Variants in NFU1 observed in about 807,000 individuals in gnomAD.
The protein encoded by NFU1 is NFU1 iron-sulfur cluster scaffold homolog, mitochondrial.
NFU1 carries 30 observed loss-of-function variants against 32.2 expected under a neutral mutation model. The observed-to-expected ratio is 0.93, with a 90% confidence interval of 0.70 to 1.26. The LOEUF is 1.26. Among genes scored for constraint, NFU1 ranks in the 50% most tolerant of loss-of-function variants. The pLI, the probability that NFU1 is intolerant of heterozygous loss-of-function variation, is 0.00. For missense variants in NFU1, 306 were observed against 306.6 expected (o/e 1.00, Z 0.02); for synonymous variants, 112 against 104.6 (o/e 1.07, Z -0.43).
chr2:69,437,428 T>G lies in NFU1; in HGVS notation c.-6A>C. 6.2e-7 allele frequency: 1 copy of G among 1,610,542 alleles called. No homozygotes were observed. The highest frequency in any genetic ancestry group is 8.5e-7 in the Non-Finnish European group (1 of 1,179,524). ...CGCCTGGCCGTCGCCGCCATCTTAG[T>G]CCGGAGTGCCTAAGGGTCTCCCTGA... On this transcript the variant is annotated 5_prime_UTR_variant, in exon 1 of 8. Transcript: ENST00000410022.
intron 6 of NFU1, among the ~76,000 whole-genome samples, chr2:69,401,898 CTT>C (rs10707742): frequency 2.5e-4 from 36 of 145,002 alleles, no homozygotes; most frequent in South Asian, 2.2e-4. Flanking sequence ...ATCTTTTTTC[CTT>C]TTTTTTTTTT....
chr2:69,426,807 G>A (rs965464633), intron 2 of NFU1, among the ~76,000 whole-genome samples: 9 of 151,796 alleles, frequency 5.9e-5, no homozygotes, highest in Non-Finnish European at 8.8e-5. Flanking sequence ...AGTGGCTCAC[G>A]CCTGGAATCC....
At chr2:69,438,653 A>G (rs573994522), upstream of NFU1, among the ~76,000 whole-genome samples, 16 of 152,262 alleles carry the variant, frequency 1.1e-4, no homozygotes, top group East Asian at 1.5e-3. Context: ...TCCAGAATGG[A>G]AACAGCACAC....
chr2:69,424,198 A>AAAAAAAAAAT (rs1558840147), intron 2 of NFU1, among the ~76,000 whole-genome samples: 1 of 74,544 alleles, frequency 1.3e-5, no homozygotes, highest in African/African-American at 5.3e-5. Context: ...AAAAAAAAAA[A>AAAAAAAAAAT]ATATATATAT....
At chr2:69,414,618 TAAAAAA>T (rs57180785) in intron 5 of NFU1, among the ~76,000 whole-genome samples, 4 of 81,216 alleles carry the variant, frequency 4.9e-5, no homozygotes, top group African/African-American at 1.0e-4. Flanking sequence ...AGTCTGTCTC[TAAAAAA>T]AAAAAAAAAA....
chr2:69,436,750 A>G (rs2104826175), intron 1 of NFU1, among the ~76,000 whole-genome samples: 1 of 152,306 alleles, frequency 6.6e-6, no homozygotes, highest in South Asian at 2.1e-4. Flanking sequence ...AGCAATGTTC[A>G]CAGAAGTCTT....
intron 2 of NFU1, among the ~76,000 whole-genome samples, chr2:69,424,189 AAAAAAAAAAAT>A (rs1243135950): frequency 1.2e-4 from 17 of 139,630 alleles, no homozygotes; most frequent in East Asian, 1.0e-3. Context: ...AAAAAAAAAA[AAAAAAAAAAAT>A]ATATATATAT....
chr2:69,421,071 G>C (rs1673222270), intron 3 of NFU1, among the ~76,000 whole-genome samples: 1 of 152,054 alleles, frequency 6.6e-6, no homozygotes, highest in Non-Finnish European at 1.5e-5. Context: ...AGGTGAGGTG[G>C]CATGTGCCTA....
At chr2:69,404,445 T>C (rs1216160038) in intron 6 of NFU1, among the ~76,000 whole-genome samples, 1 of 150,332 alleles carries the variant, frequency 6.7e-6, no homozygotes, top group East Asian at 2.1e-4. Context: ...TGAGCTGATA[T>C]CGTGCAGCAC....
chr2:69,433,626 C>T (rs1057335180), intron 1 of NFU1, among the ~76,000 whole-genome samples: 9 of 152,004 alleles, frequency 5.9e-5, no homozygotes, highest in Admixed American at 1.3e-4. Context: ...CAGGTGTACA[C>T]CATCACACCC....
chr2:69,431,262 C>G (rs1011102358), intron 2 of NFU1, among the ~76,000 whole-genome samples: 2 of 152,054 alleles, frequency 1.3e-5, no homozygotes, highest in African/African-American at 2.4e-5. Context: ...AAAAAAAGGA[C>G]AGCAGTAGCT....
At chr2:69,409,130 C>A (rs987312819) in intron 5 of NFU1, among the ~76,000 whole-genome samples, 2 of 152,042 alleles carry the variant, frequency 1.3e-5, no homozygotes, top group African/African-American at 2.4e-5. Flanking sequence ...GCGTTAGCCA[C>A]CGCACCCAAC....
At chr2:69,396,374 A>C (rs1004300901) in intron 7 of NFU1, 84 bp from the exon 8 acceptor site, 1 of 915,982 alleles carries the variant, frequency 1.1e-6, no homozygotes, top group African/African-American at 1.6e-5. Flanking sequence ...TTACTTCTTT[A>C]CCTGATACAC....
chr2:69,412,161 C>T (rs1291140264), intron 5 of NFU1, among the ~76,000 whole-genome samples: 3 of 151,834 alleles, frequency 2.0e-5, no homozygotes, highest in Non-Finnish European at 2.9e-5. Context: ...AGCAATTCTC[C>T]TGCCTCAGCC....
At chr2:69,417,738 G>A (rs573913293) in intron 4 of NFU1, among the ~76,000 whole-genome samples, 7 of 151,556 alleles carry the variant, frequency 4.6e-5, no homozygotes, top group African/African-American at 1.5e-4. Context: ...TTATCTATTG[G>A]TTATGTCATT....
At chr2:69,438,898 C>CCCCA (rs1266022186), upstream of NFU1, among the ~76,000 whole-genome samples, 2 of 109,592 alleles carry the variant, frequency 1.8e-5, no homozygotes, top group East Asian at 3.7e-4. Context: ...CCATCCAACC[C>CCCCA]CCCACCCACC....
chr2:69,410,736 C>A (rs942472369), intron 5 of NFU1: 1 of 151,934 alleles, frequency 6.6e-6, no homozygotes. Context: ...GAGCTCATAC[C>A]AAGAAAAGAA....
chr2:69,402,835 G>A (rs1309861425), intron 6 of NFU1, among the ~76,000 whole-genome samples: 3 of 151,130 alleles, frequency 2.0e-5, no homozygotes, highest in South Asian at 2.1e-4. Context: ...CATTCACCTC[G>A]GCCTCTCAAA....
intron 6 of NFU1, 142 bp from the exon 7 acceptor site, chr2:69,400,680 G>C (rs548691224): frequency 1.5e-6 from 1 of 672,662 alleles, no homozygotes; most frequent in East Asian, 3.0e-5. Context: ...AATAATAACT[G>C]TGGCTAAGTT....
Sources: gnomAD v4.1 joint callset for allele counts (sites outside exome capture counted in the v4.1 genomes callset) on GRCh38, gnomAD v4.1.1 for gene constraint, MANE v1.5 for transcripts, NCBI Gene and HGNC (gene_info 2026-07-23, HGNC 2026-07-21) for gene names.